LRRC46: variants seen among roughly 807,000 people sequenced by gnomAD.
LRRC46 encodes the protein leucine-rich repeat-containing protein 46.
Under a neutral mutation model 28.0 loss-of-function variants are expected in LRRC46, and 20 were observed. The observed-to-expected ratio is 0.71, with a 90% confidence interval of 0.50 to 1.04. The LOEUF (loss-of-function observed/expected upper bound fraction) is 1.04. LRRC46 is among the 50% of genes least tolerant of loss of function. LRRC46 has a pLI of 0.00. For synonymous variants in LRRC46, 156 were observed against 158.8 expected, an observed-to-expected ratio of 0.98 and a Z score of 0.13; for missense variants, 315 against 390.1, an observed-to-expected ratio of 0.81 and a Z score of 1.62.
intron 4 of LRRC46, 75 bp from the exon 5 acceptor site, chr17:47,835,591 G>A (rs894307280): frequency 2.5e-5 from 37 of 1,495,638 alleles, no homozygotes; most frequent in Admixed American, 1.0e-4. Flanking sequence ...GGGCCCCGGT[G>A]TCAGGTGCCC....
chr17:47,836,435 G>A lies in LRRC46; in HGVS notation c.555G>A (p.Glu185=). The change falls in exon 7 of 8, where the codon GAG becomes GAA. Residue 185 remains glutamate, a synonymous_variant. Coordinates refer to ENST00000269025, the MANE Select transcript of LRRC46 (RefSeq NM_033413.4). This position sits in a 1 kb window ranked among gnomAD's most constrained non-coding sequence, Gnocchi z 5.8. ...SDEEDEASSD[E]EFPELSGPFC... ...AGGAGGATGAAGCCTCAAGCGATGA[G>A]GAGTTCCCAGAGCTGAGTGGCCCAT... The A allele has an allele frequency of 6.2e-7, 1 of 1,614,136 alleles. No individual in the cohort carries two copies. The highest frequency in any genetic ancestry group is 8.5e-7 in the Non-Finnish European group (1 of 1,180,012).
In LRRC46 at chr17:47,836,022, G is replaced by A. The variant is rs2033690931; in HGVS notation, c.383-11G>A. 2 of 1,614,022 alleles carry A rather than the reference G, an allele frequency of 1.2e-6. No homozygotes were observed. The highest frequency in any genetic ancestry group is 1.7e-6 in the Non-Finnish European group (2 of 1,179,884). On this transcript the variant is annotated splice_polypyrimidine_tract_variant and intron_variant, in intron 5 of 7. Coordinates refer to ENST00000269025, the MANE Select transcript of LRRC46 (RefSeq NM_033413.4). The surrounding 1 kb of genome is among the most constrained non-coding windows in gnomAD (Gnocchi z 5.8). ...TGAGAACCCCATTTCCTCTCTCTTTGCTGTGTGCAGATGAGTTCCCCCAGA... is the reference window on the plus strand; with the variant it reads ...TGAGAACCCCATTTCCTCTCTCTTTACTGTGTGCAGATGAGTTCCCCCAGA...
intron 3 of LRRC46, 82 bp from the exon 4 acceptor site, chr17:47,835,271 G>T: frequency 7.2e-7 from 1 of 1,397,416 alleles, no homozygotes; most frequent in South Asian, 1.1e-5. Context: ...GAGTAGACAT[G>T]GTCTTGGGGC....
At position 47,834,425 on chromosome 17, in the gene LRRC46, GT is replaced by G. The variant is rs756906312; in HGVS notation, c.120del (p.His41ThrfsTer22). The G allele has an allele frequency of 7.5e-5, 120 of 1,609,894 alleles. No homozygotes were observed. In the African/African-American group the frequency reaches 1.5e-3, roughly 21 times the overall value. On this transcript the variant is annotated frameshift_variant and splice_region_variant, in exon 3 of 8. Transcript: ENST00000269025. LOFTEE classifies it high-confidence loss of function. The stretch of plus-strand genomic sequence containing the variant: ...CCACCCTTACTGACTCTTTTCCCAG[GT>G]TTCACACTCTTGATGAACTGCAGAC... ...PEDGELSEKM[F>X]HTLDELQTVR...
chr17:47,833,043 G>T (rs1486692137), intron 2 of LRRC46, among the ~76,000 whole-genome samples: 1 of 152,222 alleles, frequency 6.6e-6, no homozygotes, highest in East Asian at 1.9e-4. Flanking sequence ...CAGGGGGCTT[G>T]TTAGAAGTGG....
At chr17:47,834,397 A>G (rs781498866) in intron 2 of LRRC46, 28 bp from the exon 3 acceptor site, 2 of 1,529,110 alleles carry the variant, frequency 1.3e-6, no homozygotes, top group South Asian at 2.3e-5. Flanking sequence ...TGGTGCTCTA[A>G]CACCACCCTT....
chr17:47,837,704 C>T lies in LRRC46; in HGVS notation c.*584C>T. On this transcript the variant is annotated 3_prime_UTR_variant, in exon 8 of 8. Transcript: ENST00000269025. ...AGTTCACTGAAGAGAAAATAAAGCA[C>T]ATTTATTAAGGCAAAGGCCAAGCTG... 2 of 1,051,634 alleles carry T rather than the reference C, an allele frequency of 1.9e-6. No individual in the cohort carries two copies. Among genetic ancestry groups the T allele is most frequent in the Non-Finnish European group, 1.3e-6 (1 of 767,406 alleles). 65.1% of individuals were successfully genotyped at this position (1,051,634 alleles called of 1,614,324 possible). A position where few individuals can be genotyped will look rare whatever the true frequency, so the allele number is the denominator to read the frequency against.
At chr17:47,833,957 T>C in intron 2 of LRRC46, 1 of 985,744 alleles carries the variant, frequency 1.0e-6, no homozygotes, top group Non-Finnish European at 1.2e-6. Flanking sequence ...CTCTGTCATT[T>C]GTCTCTAGTA....
At chr17:47,833,904 C>T (rs2033665043) in intron 2 of LRRC46, 1 of 985,506 alleles carries the variant, frequency 1.0e-6, no homozygotes, top group Non-Finnish European at 1.2e-6. Context: ...GGTAAGCCAC[C>T]ATGGTCAGCC....
chr17:47,832,833 G>A (rs571560051), intron 2 of LRRC46, among the ~76,000 whole-genome samples: 25 of 152,276 alleles, frequency 1.6e-4, no homozygotes, highest in East Asian at 1.2e-3. Flanking sequence ...AATCTAATCA[G>A]GCATTCACTG....
intron 4 of LRRC46, 87 bp from the exon 5 acceptor site, chr17:47,835,579 A>G: frequency 6.9e-7 from 1 of 1,448,626 alleles, no homozygotes; most frequent in Non-Finnish European, 9.7e-7. Flanking sequence ...TGCCTAGCCC[A>G]GGGGCCCCGG....
Position 47,837,662 on chromosome 17 carries a change from C to G in LRRC46, c.*542C>G. On this transcript the variant is annotated 3_prime_UTR_variant, in exon 8 of 8. Transcript: ENST00000269025. ...GGGCCTCACTTGGCTCTCCCACCCC[C>G]ACTGGTCCTGGGATAAAGTTCACTG... 1.3e-6 allele frequency: 1 copy of G among 783,012 alleles called. No homozygotes were observed. Among genetic ancestry groups the G allele is most frequent in the Non-Finnish European group, 1.9e-6 (1 of 527,098 alleles). The allele number at this position is 783,012 out of a possible 1,614,324, so 48.5% of individuals were successfully genotyped here. A position where few individuals can be genotyped will look rare whatever the true frequency, so the allele number is the denominator to read the frequency against.
chr17:47,835,852 T>C, intron 5 of LRRC46, 77 bp downstream of exon 5: 1 of 1,399,974 alleles, frequency 7.1e-7, no homozygotes, highest in Non-Finnish European at 1.0e-6. Flanking sequence ...CATCTGCCCA[T>C]GCTTCTATTA....
intron 2 of LRRC46, 117 bp downstream of exon 2, chr17:47,832,322 C>G (rs939088257): frequency 1.0e-5 from 7 of 671,446 alleles, no homozygotes; most frequent in Admixed American, 3.3e-5. Context: ...TCCACACATT[C>G]AATCAGTGGT....
chr17:47,836,625 C>G lies in LRRC46; in HGVS notation c.596-125C>G. On this transcript the variant is annotated intron_variant, in intron 7 of 7. Transcript: ENST00000269025. This position sits in a 1 kb window ranked among gnomAD's most constrained non-coding sequence, Gnocchi z 5.8. ...CCAGAGCCAGGTGTCAGTCCTGGGC[C>G]CCAGCCTCAGGCTCCTTCCCACAAG... 1 of 1,494,144 alleles carries G rather than the reference C, an allele frequency of 6.7e-7. No homozygotes were observed. The highest frequency in any genetic ancestry group is 9.0e-7 in the Non-Finnish European group (1 of 1,115,306). The allele number at this position is 1,494,144 out of a possible 1,614,324, so 92.6% of individuals were successfully genotyped here. A position where few individuals can be genotyped will look rare whatever the true frequency, so the allele number is the denominator to read the frequency against.
chr17:47,836,639 C>A lies in LRRC46; in HGVS notation c.596-111C>A. The A allele has an allele frequency of 6.6e-7, 1 of 1,508,592 alleles. No homozygotes were observed. Among genetic ancestry groups the A allele is most frequent in the Non-Finnish European group, 8.9e-7 (1 of 1,124,974 alleles). 93.5% of individuals were successfully genotyped at this position (1,508,592 alleles called of 1,614,324 possible). A position where few individuals can be genotyped will look rare whatever the true frequency, so the allele number is the denominator to read the frequency against. On this transcript the variant is annotated intron_variant, in intron 7 of 7. Coordinates refer to ENST00000269025, the MANE Select transcript of LRRC46 (RefSeq NM_033413.4). This position sits in a 1 kb window ranked among gnomAD's most constrained non-coding sequence, Gnocchi z 5.8. ...CAGTCCTGGGCCCCAGCCTCAGGCTCCTTCCCACAAGGGACAAGGGGCCAG... is the reference window on the plus strand; with the variant it reads ...CAGTCCTGGGCCCCAGCCTCAGGCTACTTCCCACAAGGGACAAGGGGCCAG...
In LRRC46 at chr17:47,835,757, A is replaced by G. The variant is rs141011934; in HGVS notation, c.364A>G (p.Ile122Val). 1.2e-6 allele frequency: 2 copies of G among 1,613,946 alleles called. No individual in the cohort carries two copies. The highest frequency in any genetic ancestry group is 2.7e-5 in the African/African-American group (2 of 74,900). Residue 122 changes from isoleucine to valine, a missense_variant, in exon 5 of 8, where the codon ATA becomes GTA. Physicochemically the swap from Ile to Val is conservative, Grantham distance 29. Coordinates refer to ENST00000269025, the MANE Select transcript of LRRC46 (RefSeq NM_033413.4). ...GTTTCTGGACCTTTCTGAGAACCTG[A>G]TAGAAACATTGAAGCTGGGTAGGAA... ...LQFLDLSENL[I>V]ETLKLDEFPQ... is the part of the protein sequence containing the mutation.
In LRRC46 at chr17:47,831,892, T is replaced by C; in HGVS notation, c.-98T>C. On this transcript the variant is annotated 5_prime_UTR_variant, in exon 1 of 8. Coordinates refer to ENST00000269025, the MANE Select transcript of LRRC46 (RefSeq NM_033413.4). ...TCTCCTAAGTCTCTGAGTTTCTCTC[T>C]CCTCCTGCCATCCTGAGTTCTGCCA... 1 of 1,521,518 alleles carries C rather than the reference T, an allele frequency of 6.6e-7. No individual in the cohort carries two copies. The highest frequency in any genetic ancestry group is 9.1e-7 in the Non-Finnish European group (1 of 1,102,592). The allele number at this position is 1,521,518 out of a possible 1,614,324, so 94.3% of individuals were successfully genotyped here. A position where few individuals can be genotyped will look rare whatever the true frequency, so the allele number is the denominator to read the frequency against.
chr17:47,833,750 C>CCTTT (rs566835754), intron 2 of LRRC46: 1 of 137,288 alleles, frequency 7.3e-6, no homozygotes, highest in Non-Finnish European at 1.5e-5. Flanking sequence ...CGCCCAGCCT[C>CCTTT]TTTTTTTTTT....
Sources: gnomAD v4.1 joint callset for allele counts (sites outside exome capture counted in the v4.1 genomes callset) on GRCh38, gnomAD v4.1.1 for gene constraint, Gnocchi (gnomAD v3.1) non-coding constraint, MANE v1.5 for transcripts, NCBI Gene and HGNC (gene_info 2026-07-23, HGNC 2026-07-21) for gene names.